The following SORCS2 variants were observed in gnomAD, a reference collection of about 807,000 sequenced individuals.
The protein encoded by SORCS2 is VPS10 domain-containing receptor SorCS2.
In SORCS2, 100 loss-of-function variants were observed where a neutral mutation model predicts 141.6. The observed-to-expected ratio is 0.71, with a 90% CI of 0.60 to 0.83. The LOEUF (loss-of-function observed/expected upper bound fraction) is 0.83. Ranked by LOEUF, SORCS2 falls within the 40% of genes least tolerant of loss-of-function variation. The probability of loss-of-function intolerance (pLI) is 0.00; values close to 1 mark genes in which losing one functional copy is unlikely to be tolerated. For missense variants in SORCS2, 1,646 were observed against 1,560.2 expected (o/e 1.05, Z -0.93); for synonymous variants, 789 against 676.9 (o/e 1.17, Z -2.57).
At chr4:7,360,070 A>G (rs1267014533) in intron 1 of SORCS2, among the ~76,000 whole-genome samples, 1 of 152,158 alleles carries the variant, frequency 6.6e-6, no homozygotes, top group Admixed American at 6.5e-5. Context: ...TCCTTATAGT[A>G]TTTTATTGTT....
intron 1 of SORCS2, among the ~76,000 whole-genome samples, chr4:7,345,137 G>T (rs1036880659): frequency 1.3e-5 from 2 of 152,158 alleles, no homozygotes; most frequent in East Asian, 3.8e-4. Context: ...ACTATGCTGG[G>T]CCCCAATTTT....
At chr4:7,509,225 G>A (rs1732462992) in intron 2 of SORCS2, among the ~76,000 whole-genome samples, 1 of 152,198 alleles carries the variant, frequency 6.6e-6, no homozygotes, top group African/African-American at 2.4e-5. Flanking sequence ...AGGGGACAAA[G>A]GGAGATGGTG....
At chr4:7,458,725 G>A (rs1270474976) in intron 2 of SORCS2, among the ~76,000 whole-genome samples, 3 of 152,128 alleles carry the variant, frequency 2.0e-5, no homozygotes, top group African/African-American at 4.8e-5. Context: ...CAGCCAGGAG[G>A]AGCCCACTGT....
At chr4:7,681,365 GGAGA>G (rs1723515506) in intron 9 of SORCS2, among the ~76,000 whole-genome samples, 1 of 152,202 alleles carries the variant, frequency 6.6e-6, no homozygotes, top group Non-Finnish European at 1.5e-5. Flanking sequence ...GAGGTAGGCA[GGAGA>G]GAGAGTCAGA....
intron 3 of SORCS2, among the ~76,000 whole-genome samples, chr4:7,632,118 G>T (rs1468250): frequency 0.41 from 62,273 of 152,054 alleles, 13,732 homozygotes; most frequent in East Asian, 0.75. Flanking sequence ...CTGTGAATAT[G>T]TATTAAAATA....
intron 1 of SORCS2, among the ~76,000 whole-genome samples, chr4:7,309,106 G>C (rs1718023123): frequency 6.6e-6 from 1 of 152,206 alleles, no homozygotes; most frequent in Non-Finnish European, 1.5e-5. Flanking sequence ...GAGCCCCTTG[G>C]TTGTCAGGGT....
intron 22 of SORCS2, 110 bp from the exon 23 acceptor site, chr4:7,729,477 T>G: frequency 4.0e-5 from 56 of 1,400,634 alleles, no homozygotes; most frequent in Non-Finnish European, 4.6e-5. Flanking sequence ...GAACGGCCTG[T>G]GAGACAGGTG....
intron 2 of SORCS2, among the ~76,000 whole-genome samples, chr4:7,451,677 A>C (rs966400436): frequency 6.6e-6 from 1 of 152,212 alleles, no homozygotes; most frequent in African/African-American, 2.4e-5. Context: ...CTGCCACCAT[A>C]GGGATTCTGG....
chr4:7,595,633 G>A lies in SORCS2; in HGVS notation c.649-42695G>A, dbSNP rs560920039. Reference sequence around the variant, plus strand: ...TCCTAGGAGCTGTGTGCCAGGAACCGGGACAGAGACCAGAGACCAAATATC... The same window carrying A: ...TCCTAGGAGCTGTGTGCCAGGAACCAGGACAGAGACCAGAGACCAAATATC... On this transcript the variant is annotated intron_variant, in intron 3 of 26. Transcript: ENST00000507866. 1.5e-3 allele frequency among the ~76,000 whole-genome samples: 228 copies of A among 151,686 alleles called. 1 individual carries two copies. Among genetic ancestry groups the A allele is most frequent in the Non-Finnish European group, 2.0e-3 (139 of 67,902 alleles).
chr4:7,329,101 C>T (rs1350603390), intron 1 of SORCS2, among the ~76,000 whole-genome samples: 3 of 152,192 alleles, frequency 2.0e-5, no homozygotes, highest in African/African-American at 7.2e-5. Flanking sequence ...GTGCCCCAGC[C>T]CTGGGAAAGA....
chr4:7,701,585 G>A lies in SORCS2; in HGVS notation c.1669-1695G>A, dbSNP rs1004665677. On this transcript the variant is annotated intron_variant, in intron 12 of 26. Transcript: ENST00000507866. Reference sequence around the variant, plus strand: ...ATTTGGGCTTGACTGTAAGTGTCACGGAAGCATTGGAAAGTTCTGGTGGGG... The same window carrying A: ...ATTTGGGCTTGACTGTAAGTGTCACAGAAGCATTGGAAAGTTCTGGTGGGG... Among the ~76,000 whole-genome samples, 8 of 152,306 alleles carry A rather than the reference G, an allele frequency of 5.3e-5. No individual in the cohort carries two copies. The South Asian group carries it at 6.2e-4, about 12-fold the overall frequency.
At chr4:7,454,629 G>T (rs1728743826) in intron 2 of SORCS2, among the ~76,000 whole-genome samples, 1 of 127,218 alleles carries the variant, frequency 7.9e-6, no homozygotes, top group Non-Finnish European at 1.7e-5. Context: ...GGGGTCAGGT[G>T]CTGTGTGTTG....
intron 3 of SORCS2, among the ~76,000 whole-genome samples, chr4:7,539,791 TGCTCTGCCTCCTTCCTGCTGTGGAG>T (rs1712440921): frequency 8.7e-6 from 1 of 115,420 alleles, no homozygotes; most frequent in Admixed American, 1.0e-4. Flanking sequence ...CTGTTGTGGA[TGCTCTGCCTCCTTCCTGCTGTGGAG>T]GCCCCACCCC....
At position 7,664,275 on chromosome 4, in the gene SORCS2, G is replaced by A. The variant is rs2108924054; in HGVS notation, c.953-78G>A. The A allele has an allele frequency of 1.7e-6, 2 of 1,143,358 alleles. No individual in the cohort carries two copies. The highest frequency in any genetic ancestry group is 2.6e-5 in the East Asian group (1 of 39,078). 70.8% of individuals were successfully genotyped at this position (1,143,358 alleles called of 1,614,324 possible). A position where few individuals can be genotyped will look rare whatever the true frequency, so the allele number is the denominator to read the frequency against. On this transcript the variant is annotated intron_variant, in intron 6 of 26. Coordinates refer to ENST00000507866, the MANE Select transcript of SORCS2 (RefSeq NM_020777.3). This position sits in a 1 kb window ranked among gnomAD's most constrained non-coding sequence, Gnocchi z 4.7. ...CACCACAGCGGTATTGGAGGAAGAT[G>A]GAGTCCAGCACATGTCTCGGGCCGT...
At chr4:7,239,928 G>A (rs569679683) in intron 1 of SORCS2, among the ~76,000 whole-genome samples, 1 of 152,302 alleles carries the variant, frequency 6.6e-6, no homozygotes, top group South Asian at 2.1e-4. Flanking sequence ...TGGAAGGGTC[G>A]GAATCTTGTG....
intron 2 of SORCS2, among the ~76,000 whole-genome samples, chr4:7,529,230 AG>A (rs1441756798): frequency 1.2e-4 from 19 of 152,136 alleles, no homozygotes; most frequent in Admixed American, 1.3e-4. Flanking sequence ...ACCTTGTCTA[AG>A]GGGACTTTCT....
intron 3 of SORCS2, among the ~76,000 whole-genome samples, chr4:7,539,796 T>G (rs1045803074): frequency 1.0e-5 from 1 of 100,030 alleles, no homozygotes; most frequent in African/African-American, 3.4e-5. Flanking sequence ...GTGGATGCTC[T>G]GCCTCCTTCC....
chr4:7,192,730 G>T lies in SORCS2; in HGVS notation c.84G>T (p.Pro28=), dbSNP rs980393987. 102 of 991,378 alleles carry T rather than the reference G, an allele frequency of 1.0e-4. 4 individuals are homozygous for T. In the East Asian group the frequency reaches 6.9e-3, roughly 67 times the overall value. The allele number at this position is 991,378 out of a possible 1,614,324, so 61.4% of individuals were successfully genotyped here. Residue 28 remains proline (P), a synonymous_variant, in exon 1 of 27, where the codon CCG becomes CCT. Coordinates refer to ENST00000507866, the MANE Select transcript of SORCS2 (RefSeq NM_020777.3). The surrounding 1 kb of genome is among the most constrained non-coding windows in gnomAD (Gnocchi z 4.0). ...RAPSPGAPPP[P]RSPRSRPLLL... is the part of the protein sequence containing the mutation. ...CGAGCCCCGGGGCTCCGCCGCCGCC[G>T]CGCTCGCCGCGCTCGCGGCCGCTCC...
chr4:7,478,189 C>T lies in SORCS2; in HGVS notation c.549-53341C>T, dbSNP rs138140509. ...GTGAGGCAGTTTGAAAAAGGCCGGG[C>T]GTGTAGGGTGCAGTGAGTATGCAGT... is the stretch of plus-strand genomic sequence containing the variant. On this transcript the variant is annotated intron_variant, in intron 2 of 26. Coordinates refer to ENST00000507866, the MANE Select transcript of SORCS2 (RefSeq NM_020777.3). 6.2e-3 allele frequency among the ~76,000 whole-genome samples: 949 copies of T among 152,222 alleles called. 10 individuals carry two copies. Among genetic ancestry groups the T allele is most frequent in the African/African-American group, 0.022 (904 of 41,548 alleles).
Sources: gnomAD v4.1 joint callset for allele counts (sites outside exome capture counted in the v4.1 genomes callset) on GRCh38, gnomAD v4.1.1 for gene constraint, Gnocchi (gnomAD v3.1) non-coding constraint, MANE v1.5 for transcripts, NCBI Gene and HGNC (gene_info 2026-07-23, HGNC 2026-07-21) for gene names.